Variants in TTLL5 observed in about 807,000 individuals in gnomAD.
TTLL5 encodes the protein tubulin tyrosine ligase like 5.
Under a neutral mutation model 168.4 loss-of-function variants are expected in TTLL5, and 132 were observed. The observed-to-expected ratio is 0.78, with a 90% CI of 0.68 to 0.91. The LOEUF is 0.91. Ranked by LOEUF, TTLL5 falls within the 40% of genes least tolerant of loss-of-function variation. The pLI is 0.00. For synonymous variants in TTLL5, 546 were observed against 558.6 expected (o/e 0.98, Z 0.32); for missense variants, 1,545 against 1,581.5 (o/e 0.98, Z 0.39).
chr14:75,945,570 A>G (rs2034747107), intron 31 of TTLL5, among the ~76,000 whole-genome samples: 2 of 152,118 alleles, frequency 1.3e-5, no homozygotes, highest in South Asian at 2.1e-4. Flanking sequence ...AAGTTTTTTA[A>G]TAAACATTCC....
At chr14:75,706,019 A>G (rs997536178) in intron 7 of TTLL5, among the ~76,000 whole-genome samples, 1 of 152,028 alleles carries the variant, frequency 6.6e-6, no homozygotes, top group Non-Finnish European at 1.5e-5. Flanking sequence ...CATGTCTTTC[A>G]TAATTTCCCA....
intron 15 of TTLL5, among the ~76,000 whole-genome samples, chr14:75,739,700 A>C (rs1421560618): frequency 6.6e-6 from 1 of 152,136 alleles, no homozygotes; most frequent in East Asian, 1.9e-4. Context: ...AAGTTCTCTT[A>C]CCTCTCTGAG....
At chr14:75,676,032 C>T (rs771169327) in intron 3 of TTLL5, among the ~76,000 whole-genome samples, 7 of 152,106 alleles carry the variant, frequency 4.6e-5, no homozygotes, top group Admixed American at 2.0e-4. Context: ...CCAGGAGTGT[C>T]GAGGGCAGAG....
chr14:75,887,973 T>C (rs1404829057), intron 30 of TTLL5, among the ~76,000 whole-genome samples: 1 of 152,194 alleles, frequency 6.6e-6, no homozygotes, highest in Non-Finnish European at 1.5e-5. Flanking sequence ...GGAGGGCTTT[T>C]GTATAGTGTC....
At chr14:75,685,285 G>C (rs1884955598) in intron 5 of TTLL5, among the ~76,000 whole-genome samples, 1 of 151,276 alleles carries the variant, frequency 6.6e-6, no homozygotes, top group African/African-American at 2.4e-5. Flanking sequence ...TGAGGTGGGA[G>C]GATCACCTGA....
intron 26 of TTLL5, among the ~76,000 whole-genome samples, chr14:75,787,097 C>T (rs894830581): frequency 1.3e-5 from 2 of 152,124 alleles, no homozygotes; most frequent in Admixed American, 1.3e-4. Flanking sequence ...CACACCACTG[C>T]ACTCCAGCCT....
At chr14:75,947,490 T>C (rs984474837) in intron 31 of TTLL5, among the ~76,000 whole-genome samples, 1 of 152,210 alleles carries the variant, frequency 6.6e-6, no homozygotes, top group African/African-American at 2.4e-5. Flanking sequence ...TTAATGTTTT[T>C]TTCATTTAAT....
intron 28 of TTLL5, among the ~76,000 whole-genome samples, chr14:75,833,145 C>T (rs1364395169): frequency 6.6e-6 from 1 of 152,210 alleles, no homozygotes; most frequent in African/African-American, 2.4e-5. Context: ...GCGTTCCTCT[C>T]CCTGTGCTTA....
chr14:75,808,217 T>C (rs1259175670), intron 27 of TTLL5, among the ~76,000 whole-genome samples: 1 of 152,164 alleles, frequency 6.6e-6, no homozygotes, highest in East Asian at 1.9e-4. Context: ...ACACTAAATG[T>C]CTATATATAT....
At chr14:75,708,029 A>G (rs1886782288) in intron 9 of TTLL5, among the ~76,000 whole-genome samples, 1 of 152,240 alleles carries the variant, frequency 6.6e-6, no homozygotes, top group South Asian at 2.1e-4. Context: ...AGCTCCTAGG[A>G]TATTAAGATA....
intron 27 of TTLL5, among the ~76,000 whole-genome samples, chr14:75,795,179 C>G (rs781675152): frequency 6.6e-6 from 1 of 152,178 alleles, no homozygotes; most frequent in Non-Finnish European, 1.5e-5. Flanking sequence ...GCAGTTCACT[C>G]AACTTCTCTT....
At chr14:75,867,243 C>T (rs527828587) in intron 29 of TTLL5, among the ~76,000 whole-genome samples, 4 of 152,294 alleles carry the variant, frequency 2.6e-5, no homozygotes, top group Admixed American at 2.6e-4. Context: ...TGGATTTGGC[C>T]TATAGGTCCT....
At position 75,886,573 on chromosome 14, in the gene TTLL5, TTTAGCTAAATCTC is replaced by T. The variant is rs369279785; in HGVS notation, c.3740+3672_3740+3684del. 9.3e-5 allele frequency: 104 copies of T among 1,119,960 alleles called. 1 individual carries two copies. In the African/African-American group the frequency reaches 1.5e-3, roughly 16 times the overall value. 69.4% of individuals were successfully genotyped at this position (1,119,960 alleles called of 1,614,324 possible). On this transcript the variant is annotated intron_variant, in intron 30 of 31. Transcript: ENST00000298832. The stretch of plus-strand genomic sequence containing the variant: ...CTCAAATTCATATACTTGTATTTCA[TTTAGCTAAATCTC>T]ATTTGTCAGTTCTGTGAAGGGAATG...
chr14:75,887,993 A>G (rs895109444), intron 30 of TTLL5, among the ~76,000 whole-genome samples: 1 of 152,166 alleles, frequency 6.6e-6, no homozygotes, highest in Non-Finnish European at 1.5e-5. Flanking sequence ...CTTCTGGGAG[A>G]GTGCATTCTA....
chr14:75,715,317 G>A (rs1887366074), intron 9 of TTLL5, among the ~76,000 whole-genome samples: 1 of 140,698 alleles, frequency 7.1e-6, no homozygotes, highest in Non-Finnish European at 1.5e-5. Flanking sequence ...TGTGGGCCCT[G>A]GCTACCCCTG....
chr14:75,696,382 G>A lies in TTLL5; in HGVS notation c.503-2806G>A, dbSNP rs568362072. Among the ~76,000 whole-genome samples the A allele has an allele frequency of 2.2e-4, 34 of 152,202 alleles. No individual in the cohort carries two copies. In the South Asian group the frequency reaches 6.0e-3, roughly 27 times the overall value. On this transcript the variant is annotated intron_variant, in intron 6 of 31. Coordinates refer to ENST00000298832, the MANE Select transcript of TTLL5 (RefSeq NM_015072.5). ...ATGGACACAGATTAGATACTTAGAG[G>A]TATTAAATGAGTGACATTTGGAAAG...
chr14:75,876,288 G>A (rs1478842793), intron 29 of TTLL5, among the ~76,000 whole-genome samples: 4 of 152,228 alleles, frequency 2.6e-5, no homozygotes, highest in Admixed American at 2.0e-4. Flanking sequence ...TGAATATCTA[G>A]TTGTAATTAT....
At chr14:75,892,953 C>G (rs183156768) in intron 30 of TTLL5, among the ~76,000 whole-genome samples, 65 of 152,246 alleles carry the variant, frequency 4.3e-4, no homozygotes, top group Admixed American at 1.9e-3. Context: ...GAGGAATGAG[C>G]AAGCACAGAG....
Position 75,678,696 on chromosome 14 carries a change from A to C in TTLL5, c.182-2849A>C, listed in dbSNP as rs74557435. Among the ~76,000 whole-genome samples, 10 of 39,162 alleles carry C rather than the reference A, an allele frequency of 2.6e-4. 1 individual carries two copies. The Admixed American group carries it at 4.0e-3, about 16-fold the overall frequency. The allele number at this position is 39,162 out of a possible 152,430, so 25.7% of individuals were successfully genotyped here. On this transcript the variant is annotated intron_variant, in intron 3 of 31. Coordinates refer to ENST00000298832, the MANE Select transcript of TTLL5 (RefSeq NM_015072.5). Reference sequence around the variant, plus strand: ...CCTACATGTTTAGATTCAGATTTTTAAAAATCTGCAGGAATATTGCTTAGT... The same window carrying C: ...CCTACATGTTTAGATTCAGATTTTTCAAAATCTGCAGGAATATTGCTTAGT...
Sources: allele counts gnomAD v4.1 joint callset (sites outside exome capture counted in the v4.1 genomes callset), GRCh38; gene constraint gnomAD v4.1.1; transcripts MANE v1.5; gene names NCBI Gene and HGNC (gene_info 2026-07-23, HGNC 2026-07-21).